PROSER3: variants seen among roughly 807,000 people sequenced by gnomAD.
PROSER3 encodes proline and serine-rich protein 3.
A neutral mutation model predicts 50.2 loss-of-function variants in PROSER3; 33 were observed. The observed-to-expected ratio is 0.66, with a 90% CI of 0.50 to 0.88. PROSER3 has a LOEUF of 0.88. PROSER3 is among the 40% of genes least tolerant of loss of function. PROSER3 has a pLI of 0.00. For synonymous variants in PROSER3, 266 were observed against 259.3 expected, an observed-to-expected ratio of 1.03 and a Z score of -0.25; for missense variants, 623 against 612.7, an observed-to-expected ratio of 1.02 and a Z score of -0.18.
intron 3 of PROSER3, among the ~76,000 whole-genome samples, chr19:35,761,073 T>C (rs1054178257): frequency 3.3e-5 from 5 of 152,250 alleles, no homozygotes; most frequent in African/African-American, 1.2e-4. Context: ...CTGTCCGAAC[T>C]CTAGGCCGTT....
At position 35,768,085 on chromosome 19, in the gene PROSER3, G is replaced by A. The variant is rs759636166; in HGVS notation, c.1219+20G>A. The A allele has an allele frequency of 1.9e-6, 3 of 1,589,442 alleles. No individual in the cohort carries two copies. The East Asian group carries it at 6.9e-5, about 37-fold the overall frequency. On this transcript the variant is annotated intron_variant, in intron 9 of 10. Transcript: ENST00000396908. ...CAGAAGGTGATGCCCGCGCCCTCCTGGATGTTGGAGGCAGGCCAGCCCCCT... is the reference window on the plus strand; with the variant it reads ...CAGAAGGTGATGCCCGCGCCCTCCTAGATGTTGGAGGCAGGCCAGCCCCCT...
chr19:35,765,735 A>G (rs1009384534), intron 7 of PROSER3, among the ~76,000 whole-genome samples: 4 of 151,954 alleles, frequency 2.6e-5, no homozygotes, highest in South Asian at 2.1e-4. Flanking sequence ...GGGTCTCACT[A>G]TGTTGCTCAG....
intron 5 of PROSER3, 192 bp downstream of exon 5, chr19:35,762,548 A>AG: frequency 4.3e-6 from 1 of 230,038 alleles, no homozygotes; most frequent in Non-Finnish European, 8.5e-6. Context: ...GCCTCTACTA[A>AG]AAAAAAAAAA....
At chr19:35,769,499 G>T (rs11546662), downstream of PROSER3, 14,262 of 151,870 alleles carry the variant, frequency 0.094, 747 homozygotes, top group South Asian at 0.11. Context: ...GTAGAGACGG[G>T]GTTTCACTGT....
chr19:35,767,256 C>T (rs1162294154), intron 8 of PROSER3: 4 of 366,138 alleles, frequency 1.1e-5, no homozygotes, highest in Non-Finnish European at 1.5e-5. Flanking sequence ...TTCTGGGCCC[C>T]ACAGTCTGGG....
chr19:35,759,286 A>G (rs1450583466), intron 1 of PROSER3, 88 bp from the exon 2 acceptor site: 2 of 977,880 alleles, frequency 2.0e-6, no homozygotes, highest in Non-Finnish European at 1.5e-6. Flanking sequence ...ATCTATGGGA[A>G]TTGTCTGGTT....
At chr19:35,767,683 G>A in intron 8 of PROSER3, 2 of 1,278,314 alleles carry the variant, frequency 1.6e-6, no homozygotes, top group Non-Finnish European at 2.1e-6. Context: ...ACAGCCTGGA[G>A]GACACGCCTC....
chr19:35,767,130 C>G, intron 8 of PROSER3: 2 of 836,382 alleles, frequency 2.4e-6, no homozygotes, highest in Non-Finnish European at 3.5e-6. Flanking sequence ...AACCATGTCC[C>G]ACTGTGGAGC....
chr19:35,765,874 A>C (rs1435000453), intron 7 of PROSER3, among the ~76,000 whole-genome samples: 1 of 152,096 alleles, frequency 6.6e-6, no homozygotes, highest in Non-Finnish European at 1.5e-5. Context: ...GAAGCCAGGG[A>C]AGGTGACCAA....
chr19:35,766,318 A>T (rs568144630), intron 7 of PROSER3, among the ~76,000 whole-genome samples: 2 of 152,216 alleles, frequency 1.3e-5, no homozygotes, highest in East Asian at 3.9e-4. Flanking sequence ...CCCAGGTGGG[A>T]TGATGATGGC....
At position 35,766,801 on chromosome 19, in the gene PROSER3, C is replaced by T. The variant is rs1315349000; in HGVS notation, c.803C>T (p.Thr268Ile). The change falls in exon 8 of 11, where the codon ACC becomes ATC. Residue 268 changes from threonine to isoleucine, a missense_variant. Around this residue, in one of 3 missense-constraint regions of PROSER3, gnomAD observed 380 missense variants for 346.8 expected, o/e 1.10. Coordinates refer to ENST00000396908, the Ensembl canonical transcript of PROSER3. Reference sequence around the variant, plus strand: ...GCACCAGCCCAGGCCCAGACCCCCACCCCTGCTCCAGCCCCAGCCTCCTCC... The same window carrying T: ...GCACCAGCCCAGGCCCAGACCCCCATCCCTGCTCCAGCCCCAGCCTCCTCC... 6.4e-7 allele frequency: 1 copy of T among 1,551,218 alleles called. No homozygotes were observed. Among genetic ancestry groups the T allele is most frequent in the South Asian group, 1.2e-5 (1 of 84,030 alleles).
At chr19:35,767,404 C>T (rs527895508) in intron 8 of PROSER3, 2 of 270,242 alleles carry the variant, frequency 7.4e-6, no homozygotes, top group East Asian at 9.6e-5. Context: ...CCCTGGCCTC[C>T]ACCCTTGCAC....
exon 1 of PROSER3, chr19:35,758,192 C>T: frequency 6.4e-7 from 1 of 1,557,416 alleles, no homozygotes; most frequent in Non-Finnish European, 8.7e-7. Context: ...GCAGAGCGGC[C>T]GGAAGCGCGG....
chr19:35,760,252 C>G lies in PROSER3; in HGVS notation c.311+261C>G, dbSNP rs1394456557. 2.0e-5 allele frequency among the ~76,000 whole-genome samples: 3 copies of G among 152,076 alleles called. 1 individual carries two copies. The South Asian group carries it at 6.2e-4, about 32-fold the overall frequency. ...ATTTGTTTAGAGACAGGGTCTCGCT[C>G]TGTTACTCAGGCTGGAGGTCAGTGG... On this transcript the variant is annotated intron_variant, in intron 3 of 10. Transcript: ENST00000396908.
At chr19:35,765,615 A>G (rs1279653452) in intron 7 of PROSER3, among the ~76,000 whole-genome samples, 2 of 146,726 alleles carry the variant, frequency 1.4e-5, no homozygotes, top group Admixed American at 6.8e-5. Context: ...TCATAGTCCA[A>G]TTGCTGGGCT....
intron 1 of PROSER3, 189 bp downstream of exon 1, chr19:35,758,415 CT>C: frequency 1.6e-6 from 1 of 644,478 alleles, no homozygotes. Context: ...CGGGGGTCCC[CT>C]AAGAGTCTTA....
chr19:35,767,142 G>A, intron 8 of PROSER3: 2 of 731,118 alleles, frequency 2.7e-6, no homozygotes, highest in Non-Finnish European at 4.2e-6. Flanking sequence ...CTGTGGAGCA[G>A]TGTGGCCCAG....
intron 9 of PROSER3, 31 bp downstream of exon 9, chr19:35,768,096 GCAGGCCAGCCCCCTAA>G: frequency 6.3e-7 from 1 of 1,592,192 alleles, no homozygotes; most frequent in Non-Finnish European, 8.6e-7. Flanking sequence ...GATGTTGGAG[GCAGGCCAGCCCCCTAA>G]GAGGCCGGCC....
rs758207881 is a variant in PROSER3 at position 35,768,030 on chromosome 19, T to C, written c.1184T>C (p.Leu395Pro). Residue 395 changes from leucine to proline, a missense_variant, in exon 9 of 11, where the codon CTT becomes CCT. Physicochemically the swap from Leu to Pro is moderately conservative, Grantham distance 98. Around this residue, in one of 3 missense-constraint regions of PROSER3, gnomAD observed 380 missense variants for 346.8 expected, o/e 1.10. Transcript: ENST00000396908. ...GACCACGCCCCCTCGGAGGCCCTGC[T>C]TGCCCAGGCCGCCCTGCTGCTGCAG... 5.7e-6 allele frequency: 9 copies of C among 1,582,710 alleles called. No individual in the cohort carries two copies. Among genetic ancestry groups the C allele is most frequent in the South Asian group, 4.6e-5 (4 of 87,706 alleles).
Sources: allele counts gnomAD v4.1 joint callset (sites outside exome capture counted in the v4.1 genomes callset), GRCh38; gene constraint gnomAD v4.1.1; regional missense constraint gnomAD v4.1.1; transcripts MANE v1.5; gene names NCBI Gene and HGNC (gene_info 2026-07-23, HGNC 2026-07-21).